The following GMCL1 variants were observed in gnomAD, a reference collection of about 807,000 sequenced individuals.
The protein encoded by GMCL1 is germ cell-less 1, spermatogenesis associated, also known as germ cell-less protein-like 1.
Under a neutral mutation model 75.5 loss-of-function variants are expected in GMCL1, and 54 were observed. The ratio of observed to expected loss-of-function variants is 0.71; its 90% CI spans 0.57 to 0.90. The LOEUF is 0.90. Ranked by LOEUF, GMCL1 falls within the 40% of genes least tolerant of loss-of-function variation. GMCL1 has a pLI of 0.00. For synonymous variants in GMCL1, 210 were observed against 209.6 expected, an observed-to-expected ratio of 1.00 and a Z score of -0.02; for missense variants, 537 against 622.7, an observed-to-expected ratio of 0.86 and a Z score of 1.47.
chr2:69,853,356 T>A (rs1401658010), intron 8 of GMCL1, among the ~76,000 whole-genome samples: 3 of 151,708 alleles, frequency 2.0e-5, no homozygotes, highest in Non-Finnish European at 4.4e-5. Context: ...CTTTCTTGTT[T>A]GCTTTGCTGA....
At chr2:69,847,240 T>C (rs1675180131) in intron 6 of GMCL1, among the ~76,000 whole-genome samples, 1 of 152,130 alleles carries the variant, frequency 6.6e-6, no homozygotes, top group Non-Finnish European at 1.5e-5. Context: ...GAACCTTGCT[T>C]TAACTTGATT....
intron 5 of GMCL1, among the ~76,000 whole-genome samples, chr2:69,843,861 A>C (rs1675053839): frequency 1.3e-5 from 2 of 152,234 alleles, no homozygotes; most frequent in South Asian, 4.1e-4. Context: ...GATTTTAAAG[A>C]AGGTTATACT....
intron 5 of GMCL1, 79 bp downstream of exon 5, chr2:69,843,340 C>G: frequency 1.5e-6 from 1 of 678,282 alleles, no homozygotes; most frequent in South Asian, 1.8e-5. Context: ...GAATGTATAG[C>G]TATAAGAAAG....
intron 1 of GMCL1, among the ~76,000 whole-genome samples, chr2:69,831,585 G>C (rs1259006818): frequency 6.6e-6 from 1 of 151,574 alleles, no homozygotes; most frequent in East Asian, 1.9e-4. Flanking sequence ...CGTCAGTGTA[G>C]CATAGTTTTT....
intron 1 of GMCL1, among the ~76,000 whole-genome samples, chr2:69,830,627 TA>T (rs1674644983): frequency 6.6e-6 from 1 of 152,168 alleles, no homozygotes; most frequent in Admixed American, 6.5e-5. Flanking sequence ...TTGTTAATTG[TA>T]AAGGTGAAGT....
intron 12 of GMCL1, among the ~76,000 whole-genome samples, chr2:69,870,706 TC>T: frequency 6.6e-6 from 1 of 152,218 alleles, no homozygotes; most frequent in Non-Finnish European, 1.5e-5. Flanking sequence ...GCCAAAGACT[TC>T]CATAAACATT....
chr2:69,856,350 A>G (rs1675467773), intron 9 of GMCL1, among the ~76,000 whole-genome samples: 1 of 152,200 alleles, frequency 6.6e-6, no homozygotes, highest in African/African-American at 2.4e-5. Context: ...ACATCTGTTT[A>G]CCATCTTTAG....
In GMCL1 at chr2:69,829,781, G is replaced by C; in HGVS notation, c.-112G>C. 8.4e-7 allele frequency: 1 copy of C among 1,194,222 alleles called. No individual in the cohort carries two copies. The highest frequency in any genetic ancestry group is 2.9e-5 in the Admixed American group (1 of 34,694). The allele number at this position is 1,194,222 out of a possible 1,614,324, so 74.0% of individuals were successfully genotyped here. On this transcript the variant is annotated 5_prime_UTR_variant, in exon 1 of 14. Transcript: ENST00000282570. ...CGCTGCAACGGTTGGGGCTGCGCGT[G>C]AGAAGGTGGCGGTGTAGGCACCTGC...
chr2:69,832,599 A>G (rs1039915090), intron 1 of GMCL1, among the ~76,000 whole-genome samples: 2 of 152,238 alleles, frequency 1.3e-5, no homozygotes, highest in African/African-American at 4.8e-5. Context: ...AAATGTCTGA[A>G]TGATATCTTA....
chr2:69,862,459 A>G (rs769704100), intron 10 of GMCL1, among the ~76,000 whole-genome samples: 2 of 152,074 alleles, frequency 1.3e-5, no homozygotes, highest in Non-Finnish European at 2.9e-5. Context: ...TCCAGCATAA[A>G]TAATAGTAAG....
Position 69,878,252 on chromosome 2 carries a change from G to A in GMCL1, c.1453-657G>A, listed in dbSNP as rs6728284. Among the ~76,000 whole-genome samples, 721 of 152,304 alleles carry A rather than the reference G, an allele frequency of 4.7e-3. 11 individuals carry two copies. The highest frequency in any genetic ancestry group is 0.017 in the African/African-American group (691 of 41,566). On this transcript the variant is annotated intron_variant, in intron 13 of 13. Coordinates refer to ENST00000282570, the MANE Select transcript of GMCL1 (RefSeq NM_178439.5). ...GTTTGTCATAGGGACAGTGGGAAAT[G>A]TCAATAGTAGGAACCCTGCTTTTTG...
intron 7 of GMCL1, among the ~76,000 whole-genome samples, 176 bp from the exon 8 acceptor site, chr2:69,849,476 A>G (rs1184289583): frequency 6.6e-6 from 1 of 152,198 alleles, no homozygotes; most frequent in African/African-American, 2.4e-5. Context: ...TTGGACTATG[A>G]TAATGCCATG....
chr2:69,833,546 G>A (rs1442897218), intron 1 of GMCL1, among the ~76,000 whole-genome samples: 1 of 152,226 alleles, frequency 6.6e-6, no homozygotes, highest in East Asian at 1.9e-4. Flanking sequence ...AACTCAGGAG[G>A]CGGAGGTTGT....
intron 13 of GMCL1, among the ~76,000 whole-genome samples, chr2:69,875,939 C>T (rs1676118064): frequency 1.3e-5 from 2 of 152,182 alleles, no homozygotes. Flanking sequence ...ATCCGCCCAC[C>T]TCAGGCTCCC....
chr2:69,835,360 A>G (rs779601794), intron 1 of GMCL1, among the ~76,000 whole-genome samples: 5 of 152,090 alleles, frequency 3.3e-5, no homozygotes, highest in Admixed American at 6.5e-5. Context: ...ATCTCTAGGT[A>G]TACTGGTGAG....
At chr2:69,837,493 C>A in intron 1 of GMCL1, 54 bp from the exon 2 acceptor site, 2 of 1,275,268 alleles carry the variant, frequency 1.6e-6, no homozygotes, top group Non-Finnish European at 1.1e-6. Flanking sequence ...TATGCAAAAT[C>A]AGTAAAACAT....
At chr2:69,862,401 CT>C (rs1175515567) in intron 10 of GMCL1, among the ~76,000 whole-genome samples, 2 of 151,932 alleles carry the variant, frequency 1.3e-5, no homozygotes, top group Admixed American at 6.6e-5. Flanking sequence ...CTAGTTTCTA[CT>C]TTGATTATAA....
At chr2:69,830,747 G>A (rs1482835383) in intron 1 of GMCL1, among the ~76,000 whole-genome samples, 2 of 146,006 alleles carry the variant, frequency 1.4e-5, no homozygotes, top group Admixed American at 6.9e-5. Context: ...CGGTGCTGCT[G>A]CAGCTTGTTT....
At chr2:69,850,282 C>A (rs1228242333) in intron 8 of GMCL1, among the ~76,000 whole-genome samples, 1 of 152,076 alleles carries the variant, frequency 6.6e-6, no homozygotes, top group Admixed American at 6.5e-5. Flanking sequence ...TGGTTAAGAT[C>A]AACTGCTATA....
Sources: gnomAD v4.1 joint callset for allele counts (sites outside exome capture counted in the v4.1 genomes callset) on GRCh38, gnomAD v4.1.1 for gene constraint, MANE v1.5 for transcripts, NCBI Gene and HGNC (gene_info 2026-07-23, HGNC 2026-07-21) for gene names.